The following MYRIP variants were observed in gnomAD, a reference collection of about 807,000 sequenced individuals.
MYRIP encodes myosin VIIA and Rab interacting protein, also known as rab effector MyRIP.
Under a neutral mutation model 98.0 loss-of-function variants are expected in MYRIP, and 49 were observed. The observed-to-expected ratio is 0.50, with a 90% CI of 0.40 to 0.63. MYRIP has a LOEUF of 0.63. Among genes scored for constraint, MYRIP ranks in the 30% least tolerant of loss-of-function variants. The probability of loss-of-function intolerance (pLI) is 0.00; values close to 1 mark genes in which losing one functional copy is unlikely to be tolerated. For missense variants in MYRIP, 1,004 were observed against 1,058.2 expected, an observed-to-expected ratio of 0.95 and a Z score of 0.71; for synonymous variants, 404 against 409.5, an observed-to-expected ratio of 0.99 and a Z score of 0.16.
At chr3:40,026,991 TA>T (rs1947145802) in intron 2 of MYRIP, among the ~76,000 whole-genome samples, 1 of 152,102 alleles carries the variant, frequency 6.6e-6, no homozygotes, top group Admixed American at 6.6e-5. Context: ...CCCCTATGTG[TA>T]AAGACGTTTA....
intron 8 of MYRIP, among the ~76,000 whole-genome samples, chr3:40,170,478 C>T (rs779996155): frequency 5.9e-5 from 9 of 151,998 alleles, no homozygotes; most frequent in East Asian, 3.9e-4. Flanking sequence ...AAAGTGACAG[C>T]GAGAAAATTA....
At chr3:40,117,657 A>T (rs775390985) in intron 3 of MYRIP, among the ~76,000 whole-genome samples, 11 of 152,172 alleles carry the variant, frequency 7.2e-5, no homozygotes, top group Non-Finnish European at 1.0e-4. Context: ...GTAGAGGCAG[A>T]AGAGCAACAG....
rs1180767194 is a variant in MYRIP, at chr3:40,246,150, A to G, written c.2262+1543A>G. On this transcript the variant is annotated intron_variant, in intron 13 of 16. Coordinates refer to ENST00000302541, the MANE Select transcript of MYRIP (RefSeq NM_015460.4). ...GACATAAATCAAAGAAAATGACTGA[A>G]GTGAGTCTCAATCATTTTAGAGGGT... 4.0e-5 allele frequency among the ~76,000 whole-genome samples: 6 copies of G among 151,772 alleles called. No individual in the cohort carries two copies. In the South Asian group the frequency reaches 1.0e-3, roughly 26 times the overall value.
chr3:39,841,787 G>T (rs1443690734), intron 1 of MYRIP, among the ~76,000 whole-genome samples: 1 of 152,200 alleles, frequency 6.6e-6, no homozygotes, highest in Non-Finnish European at 1.5e-5. Context: ...ACCAGCAGAG[G>T]CTGCAGAACA....
chr3:40,250,408 A>G (rs1364668837), intron 14 of MYRIP, 31 bp from the exon 15 acceptor site: 1 of 1,613,908 alleles, frequency 6.2e-7, no homozygotes, highest in South Asian at 1.1e-5. Flanking sequence ...GGCTCTGCAA[A>G]GGTATATTGC....
chr3:39,877,160 A>T (rs1294940937), intron 1 of MYRIP, among the ~76,000 whole-genome samples: 2 of 151,988 alleles, frequency 1.3e-5, no homozygotes, highest in East Asian at 3.8e-4. Context: ...TGCATTCTTC[A>T]CATAGTTCTC....
chr3:40,033,263 A>C (rs1253117615), intron 2 of MYRIP, among the ~76,000 whole-genome samples: 1 of 149,888 alleles, frequency 6.7e-6, no homozygotes, highest in East Asian at 1.9e-4. Context: ...TCAATTAGGA[A>C]AAGAGGAAGT....
chr3:39,880,209 C>G (rs1943124797), intron 1 of MYRIP, among the ~76,000 whole-genome samples: 1 of 152,224 alleles, frequency 6.6e-6, no homozygotes, highest in East Asian at 1.9e-4. Flanking sequence ...CCTTCCCACT[C>G]CCCCCAGGGT....
rs930595137 is a variant in MYRIP at position 40,049,440 on chromosome 3, G to GT, written c.332+5172dup. The stretch of plus-strand genomic sequence containing the variant: ...GATCTTTGATGTTACTATTATAATT[G>GT]TTTGGGGGCACAACAAACCACACCC... On this transcript the variant is annotated intron_variant, in intron 3 of 16. Coordinates refer to ENST00000302541, the MANE Select transcript of MYRIP (RefSeq NM_015460.4). 6.6e-5 allele frequency among the ~76,000 whole-genome samples: 10 copies of GT among 152,056 alleles called. No individual in the cohort carries two copies. In the East Asian group the frequency reaches 1.9e-3, roughly 29 times the overall value.
chr3:40,196,937 C>G (rs539915927), intron 10 of MYRIP, among the ~76,000 whole-genome samples: 59 of 152,292 alleles, frequency 3.9e-4, no homozygotes, highest in Admixed American at 3.9e-3. Flanking sequence ...CCAGGATTAG[C>G]AGCAGACAAA....
chr3:39,923,209 T>C (rs1338281594), intron 2 of MYRIP, among the ~76,000 whole-genome samples: 1 of 151,970 alleles, frequency 6.6e-6, no homozygotes, highest in Non-Finnish European at 1.5e-5. Flanking sequence ...TATGGGACTA[T>C]AATACAGGAT....
intron 1 of MYRIP, among the ~76,000 whole-genome samples, chr3:39,879,597 G>A (rs1400476664): frequency 6.6e-6 from 1 of 152,166 alleles, no homozygotes; most frequent in Non-Finnish European, 1.5e-5. Context: ...GACTTATGGT[G>A]AATATCTTAA....
At position 40,044,197 on chromosome 3, in the gene MYRIP, C is replaced by T. The variant is rs749363608; in HGVS notation, c.258C>T (p.Phe86=). The change falls in exon 3 of 17, where the codon TTC becomes TTT. Residue 86 remains phenylalanine, a synonymous_variant. Transcript: ENST00000302541. ...NTKRQCGDCK[F]NVCKSCCSYQ... is the part of the protein sequence containing the mutation. Reference sequence around the variant, plus strand: ...AGCGCCAGTGTGGAGATTGCAAATTCAATGTCTGCAAGAGCTGCTGCTCCT... The same window carrying T: ...AGCGCCAGTGTGGAGATTGCAAATTTAATGTCTGCAAGAGCTGCTGCTCCT... 5 of 1,614,164 alleles carry T rather than the reference C, an allele frequency of 3.1e-6. No homozygotes were observed. Among genetic ancestry groups the T allele is most frequent in the Non-Finnish European group, 4.2e-6 (5 of 1,180,008 alleles).
At chr3:40,032,173 A>T (rs1947276209) in intron 2 of MYRIP, among the ~76,000 whole-genome samples, 1 of 151,850 alleles carries the variant, frequency 6.6e-6, no homozygotes, top group Admixed American at 6.6e-5. Context: ...TGTCCCAGAG[A>T]TTCTGGTATG....
At position 39,812,883 on chromosome 3, in the gene MYRIP, T is replaced by C. The variant is rs78379461; in HGVS notation, c.-31+2967T>C. On this transcript the variant is annotated intron_variant, in intron 1 of 16. Coordinates refer to ENST00000302541, the MANE Select transcript of MYRIP (RefSeq NM_015460.4). Reference sequence around the variant, plus strand: ...ACTACTATTTTCCATATCTAGCAAGTAGATCCCTTGTATGGTCCCTGCTAC... The same window carrying C: ...ACTACTATTTTCCATATCTAGCAAGCAGATCCCTTGTATGGTCCCTGCTAC... Among the ~76,000 whole-genome samples the C allele has an allele frequency of 2.6e-3, 398 of 152,350 alleles. 2 individuals carry two copies. Among genetic ancestry groups the C allele is most frequent in the African/African-American group, 9.3e-3 (387 of 41,586 alleles).
At chr3:39,838,850 C>A (rs1411177498) in intron 1 of MYRIP, among the ~76,000 whole-genome samples, 1 of 151,822 alleles carries the variant, frequency 6.6e-6, no homozygotes, top group Non-Finnish European at 1.5e-5. Context: ...GGGCTTTTTT[C>A]GGTTGGTAGG....
intron 3 of MYRIP, among the ~76,000 whole-genome samples, chr3:40,142,674 G>T (rs900546957): frequency 2.0e-5 from 3 of 152,058 alleles, no homozygotes; most frequent in Non-Finnish European, 1.5e-5. Context: ...GCCCAGTCTG[G>T]TCTCGAACTC....
chr3:39,976,780 G>A (rs1945763927), intron 2 of MYRIP, among the ~76,000 whole-genome samples: 1 of 152,076 alleles, frequency 6.6e-6, no homozygotes, highest in African/African-American at 2.4e-5. Flanking sequence ...ATCATTCTTA[G>A]CAAACTATCA....
At chr3:40,121,423 T>C (rs899249508) in intron 3 of MYRIP, among the ~76,000 whole-genome samples, 5 of 152,182 alleles carry the variant, frequency 3.3e-5, no homozygotes, top group Admixed American at 3.3e-4. Flanking sequence ...GGCAAGCATT[T>C]TGACAACTAT....
Sources: gnomAD v4.1 joint callset for allele counts (sites outside exome capture counted in the v4.1 genomes callset) on GRCh38, gnomAD v4.1.1 for gene constraint, MANE v1.5 for transcripts, NCBI Gene and HGNC (gene_info 2026-07-23, HGNC 2026-07-21) for gene names.